VAC14: variants seen among roughly 807,000 people sequenced by gnomAD.
The protein encoded by VAC14 is protein VAC14 homolog.
Under a neutral mutation model 85.3 loss-of-function variants are expected in VAC14, and 47 were observed. The observed-to-expected ratio is 0.55, with a 90% CI of 0.44 to 0.70. VAC14 has a LOEUF of 0.70. Ranked by LOEUF, VAC14 falls within the 30% of genes least tolerant of loss-of-function variation. The probability of loss-of-function intolerance (pLI) is 0.00; values close to 1 mark genes in which losing one functional copy is unlikely to be tolerated. For missense variants in VAC14, 861 were observed against 1,004.3 expected, an observed-to-expected ratio of 0.86 and a Z score of 1.93; for synonymous variants, 447 against 430.5, an observed-to-expected ratio of 1.04 and a Z score of -0.47.
In VAC14 at chr16:70,731,747, C is replaced by A. The variant is rs556460434; in HGVS notation, c.1529-120G>T. On this transcript the variant is annotated intron_variant, in intron 13 of 18. Transcript: ENST00000261776. ...AAGATGTGTGTGGGGGGTGTTATAA[C>A]AAGATGAGGGAAAATCTCTAATCAA... 9 of 1,092,352 alleles carry A rather than the reference C, an allele frequency of 8.2e-6. No individual in the cohort carries two copies. The South Asian group carries it at 1.9e-4, about 23-fold the overall frequency. The allele number at this position is 1,092,352 out of a possible 1,614,324, so 67.7% of individuals were successfully genotyped here.
chr16:70,699,864 G>C (rs1330459063), intron 14 of VAC14: 1 of 152,254 alleles, frequency 6.6e-6, no homozygotes, highest in Non-Finnish European at 1.5e-5. Context: ...TGAGTGCTGG[G>C]CTGGCGGCAG....
chr16:70,703,808 G>A (rs570397658), intron 14 of VAC14, among the ~76,000 whole-genome samples: 2 of 152,278 alleles, frequency 1.3e-5, no homozygotes, highest in East Asian at 3.9e-4. Flanking sequence ...CAGCAGAGGG[G>A]GCGGTCACTT....
At chr16:70,717,792 G>T (rs1010254418) in intron 14 of VAC14, among the ~76,000 whole-genome samples, 1 of 152,232 alleles carries the variant, frequency 6.6e-6, no homozygotes, top group Non-Finnish European at 1.5e-5. Flanking sequence ...GACCACAGGC[G>T]CATGCCACCA....
At chr16:70,786,076 T>C in intron 2 of VAC14, 139 bp downstream of exon 2, 1 of 1,439,456 alleles carries the variant, frequency 6.9e-7, no homozygotes. Flanking sequence ...CCAGCCTTGC[T>C]GGTCTCAGGT....
chr16:70,689,743 G>A, intron 18 of VAC14: 9 of 985,540 alleles, frequency 9.1e-6, no homozygotes, highest in Non-Finnish European at 1.1e-5. Flanking sequence ...AAGCAGCTGG[G>A]CGGGGCCATT....
intron 14 of VAC14, chr16:70,714,930 C>T (rs1394253871): frequency 1.3e-5 from 2 of 152,400 alleles, no homozygotes; most frequent in African/African-American, 4.8e-5. Flanking sequence ...GAGCCCTGGG[C>T]CCCACTTCCC....
chr16:70,744,651 T>A (rs1166190206), intron 12 of VAC14, 72 bp from the exon 13 acceptor site: 2 of 1,498,258 alleles, frequency 1.3e-6, no homozygotes, highest in African/African-American at 1.4e-5. Flanking sequence ...AGAGGTGCGG[T>A]TGGTGGCACA....
chr16:70,764,065 G>A lies in VAC14; in HGVS notation c.1161-1040C>T, dbSNP rs560392724. 1.4e-4 allele frequency among the ~76,000 whole-genome samples: 22 copies of A among 152,330 alleles called. 1 individual carries two copies. In the South Asian group the frequency reaches 1.4e-3, roughly 10 times the overall value. On this transcript the variant is annotated intron_variant, in intron 10 of 18. Coordinates refer to ENST00000261776, the MANE Select transcript of VAC14 (RefSeq NM_018052.5). ...CCTGCCGGTATAAAACCGTCTCTTC[G>A]TGGCATTTCTAGGCTGCTCAATTAT...
intron 14 of VAC14, among the ~76,000 whole-genome samples, chr16:70,719,820 A>T (rs956310697): frequency 6.6e-6 from 1 of 152,198 alleles, no homozygotes; most frequent in Non-Finnish European, 1.5e-5. Context: ...CCCTAAGCCC[A>T]TGGTATGTCT....
chr16:70,783,674 G>A, intron 5 of VAC14, 120 bp from the exon 6 acceptor site: 1 of 953,404 alleles, frequency 1.0e-6, no homozygotes, highest in Non-Finnish European at 1.6e-6. Context: ...TCCCTGCAGT[G>A]CAGGTGTCCC....
At position 70,744,635 on chromosome 16, in the gene VAC14, C is replaced by T; in HGVS notation, c.1372-56G>A. The stretch of plus-strand genomic sequence containing the variant: ...GCTCTCCGCTGAGAGCTGTGCTGAC[C>T]TGGGCAGAGGTGCGGTTGGTGGCAC... On this transcript the variant is annotated intron_variant, in intron 12 of 18. Coordinates refer to ENST00000261776, the MANE Select transcript of VAC14 (RefSeq NM_018052.5). The T allele has an allele frequency of 2.0e-6, 3 of 1,521,368 alleles. No homozygotes were observed. The East Asian group carries it at 7.0e-5, about 35-fold the overall frequency. The allele number at this position is 1,521,368 out of a possible 1,614,324, so 94.2% of individuals were successfully genotyped here.
chr16:70,696,992 A>G, intron 16 of VAC14, 147 bp downstream of exon 16: 2 of 637,130 alleles, frequency 3.1e-6, no homozygotes, highest in Non-Finnish European at 5.7e-6. Context: ...GTGTCCTGGC[A>G]GCCCTGATGT....
intron 14 of VAC14, among the ~76,000 whole-genome samples, chr16:70,702,163 T>A (rs76961780): frequency 0.019 from 2,919 of 152,350 alleles, 97 homozygotes; most frequent in African/African-American, 0.067. Flanking sequence ...GCAGGCCTTT[T>A]TGTGCTGTGC....
chr16:70,786,139 C>T (rs1708578462), intron 2 of VAC14, 76 bp downstream of exon 2: 2 of 1,566,894 alleles, frequency 1.3e-6, no homozygotes, highest in South Asian at 2.4e-5. Flanking sequence ...TGGGTCTTGA[C>T]AGGGAAGGCA....
At position 70,746,419 on chromosome 16, in the gene VAC14, G is replaced by A. The variant is rs542372202; in HGVS notation, c.1372-1840C>T. Among the ~76,000 whole-genome samples the A allele has an allele frequency of 8.5e-5, 13 of 152,338 alleles. No homozygotes were observed. The East Asian group carries it at 1.2e-3, about 14-fold the overall frequency. ...CCCTGGGACCCTGCTCTGTGCCAGC[G>A]GCTGCGTTGGGTTCTGGGGCTGTAA... is the stretch of plus-strand genomic sequence containing the variant. On this transcript the variant is annotated intron_variant, in intron 12 of 18. Coordinates refer to ENST00000261776, the MANE Select transcript of VAC14 (RefSeq NM_018052.5).
At chr16:70,775,409 A>T (rs2033468719) in intron 9 of VAC14, among the ~76,000 whole-genome samples, 1 of 152,186 alleles carries the variant, frequency 6.6e-6, no homozygotes, top group African/African-American at 2.4e-5. Context: ...GGGATCACAA[A>T]ACTTATTTTC....
chr16:70,735,108 G>A (rs934921121), intron 13 of VAC14, among the ~76,000 whole-genome samples: 4 of 152,324 alleles, frequency 2.6e-5, no homozygotes, highest in African/African-American at 9.6e-5. Context: ...TGCAGGAAAT[G>A]ACGCTGTGAA....
chr16:70,687,783 C>T lies in VAC14; in HGVS notation c.*145G>A. On this transcript the variant is annotated 3_prime_UTR_variant, in exon 19 of 19. Transcript: ENST00000261776. The stretch of plus-strand genomic sequence containing the variant: ...ACTCTGAGAGGAGCTTGGGCAGACA[C>T]AGCAGCCTCCGGCCCCAACACTGCC... 1.1e-6 allele frequency: 1 copy of T among 899,068 alleles called. No homozygotes were observed. The highest frequency in any genetic ancestry group is 1.5e-6 in the Non-Finnish European group (1 of 671,964). 55.7% of individuals were successfully genotyped at this position (899,068 alleles called of 1,614,324 possible).
chr16:70,726,704 C>T (rs537939641), intron 14 of VAC14, among the ~76,000 whole-genome samples: 37 of 152,320 alleles, frequency 2.4e-4, no homozygotes, highest in African/African-American at 8.4e-4. Context: ...GTACAGCACC[C>T]CACCGCACAT....
Sources: allele counts gnomAD v4.1 joint callset (sites outside exome capture counted in the v4.1 genomes callset), GRCh38; gene constraint gnomAD v4.1.1; transcripts MANE v1.5; gene names NCBI Gene and HGNC (gene_info 2026-07-23, HGNC 2026-07-21).